Variants in PGLYRP3 observed in about 807,000 individuals in gnomAD.
The protein encoded by PGLYRP3 is peptidoglycan recognition protein 3.
A neutral mutation model predicts 36.0 loss-of-function variants in PGLYRP3; 39 were observed. The observed-to-expected ratio is 1.08, with a 90% CI of 0.84 to 1.41. The LOEUF (loss-of-function observed/expected upper bound fraction) is 1.41, where lower values mean the gene tolerates loss of function less well. Among genes scored for constraint, PGLYRP3 ranks in the 40% most tolerant of loss-of-function variants. The probability of loss-of-function intolerance (pLI) is 0.00; values close to 1 mark genes in which losing one functional copy is unlikely to be tolerated. For missense variants in PGLYRP3, 407 were observed against 427.9 expected, an observed-to-expected ratio of 0.95 and a Z score of 0.43; for synonymous variants, 204 against 172.8, an observed-to-expected ratio of 1.18 and a Z score of -1.42.
intron 2 of PGLYRP3, among the ~76,000 whole-genome samples, chr1:153,308,222 G>T (rs552455709): frequency 2.0e-5 from 3 of 152,048 alleles, no homozygotes; most frequent in African/African-American, 7.2e-5. Flanking sequence ...TCTCGATCTC[G>T]TGACCTCGTG....
At chr1:153,310,747 T>G in intron 1 of PGLYRP3, 41 bp from the exon 2 acceptor site, 2 of 1,281,502 alleles carry the variant, frequency 1.6e-6, no homozygotes, top group Non-Finnish European at 2.3e-6. Flanking sequence ...ATGCTAACTC[T>G]GCAAGTGGAG....
At chr1:153,312,602 TACAC>T (rs3840431) in intron 1 of PGLYRP3, among the ~76,000 whole-genome samples, 37 bp downstream of exon 1, 5 of 150,004 alleles carry the variant, frequency 3.3e-5, no homozygotes, top group Admixed American at 1.3e-4. Flanking sequence ...TCTAAAGAAA[TACAC>T]ACACACACAC....
chr1:153,307,231 G>C lies in PGLYRP3; in HGVS notation c.92C>G (p.Ala31Gly). 1 of 1,609,912 alleles carries C rather than the reference G, an allele frequency of 6.2e-7. No individual in the cohort carries two copies. Among genetic ancestry groups the C allele is most frequent in the Non-Finnish European group, 8.5e-7 (1 of 1,178,356 alleles). Residue 31 changes from alanine to glycine, a missense_variant, in exon 3 of 8, where the codon GCA (alanine) becomes GGA (glycine). Transcript: ENST00000683862. The part of the protein sequence containing the change: ...PTIVSRKEWG[A>G]RPLACRALLT... ...CAGGGCCCTGCAGGCGAGCGGTCTT[G>C]CCCCCCACTCCTTGCGGGAGACGAT...
rs755432874 is a variant in PGLYRP3, at chr1:153,297,577, GAAAGAAGAAAGA to G, written c.*367_*378del. On this transcript the variant is annotated 3_prime_UTR_variant, in exon 8 of 8. Transcript: ENST00000683862. ...AAAGAAAGAAAAAGAAAGAAAGAAA[GAAAGAAGAAAGA>G]AAGAAAGAAAGAAAGAGAAAGGAAG... Among the ~76,000 whole-genome samples the G allele has an allele frequency of 1.6e-3, 207 of 129,536 alleles. 2 individuals are homozygous for G. Among genetic ancestry groups the G allele is most frequent in the Non-Finnish European group, 2.3e-3 (136 of 60,414 alleles). The allele number at this position is 129,536 out of a possible 152,430, so 85.0% of individuals were successfully genotyped here.
At chr1:153,310,858 A>G in intron 1 of PGLYRP3, 152 bp from the exon 2 acceptor site, 1 of 531,232 alleles carries the variant, frequency 1.9e-6, no homozygotes, top group South Asian at 2.5e-5. Context: ...CCTTAAACAC[A>G]TCAGGTTCCC....
chr1:153,299,032 T>C (rs1272307700), intron 7 of PGLYRP3, 81 bp downstream of exon 7: 1 of 1,153,256 alleles, frequency 8.7e-7, no homozygotes, highest in Non-Finnish European at 1.3e-6. Flanking sequence ...ACTACAGGGC[T>C]GCCTTTCCCG....
intron 6 of PGLYRP3, 116 bp downstream of exon 6, chr1:153,302,293 T>C: frequency 8.6e-7 from 1 of 1,167,746 alleles, no homozygotes; most frequent in Non-Finnish European, 1.2e-6. Flanking sequence ...ATATGATGCC[T>C]TATGGAAACC....
rs1297117375 is a variant in PGLYRP3, at chr1:153,297,535, G to GAAA, written c.*420_*421insTTT. Among the ~76,000 whole-genome samples the GAAA allele has an allele frequency of 1.7e-4, 15 of 87,004 alleles. No homozygotes were observed. Among genetic ancestry groups the GAAA allele is most frequent in the African/African-American group, 7.4e-4 (15 of 20,392 alleles). 57.1% of individuals were successfully genotyped at this position (87,004 alleles called of 152,430 possible). A position where few individuals can be genotyped will look rare whatever the true frequency, so the allele number is the denominator to read the frequency against. On this transcript the variant is annotated 3_prime_UTR_variant, in exon 8 of 8. Transcript: ENST00000683862. Reference sequence around the variant, plus strand: ...GGAAGGAAGGAAGGAAGGAAGGAAGGAAGGAAGGAAGGAAGGAAAGAAAGA... The same window carrying GAAA: ...GGAAGGAAGGAAGGAAGGAAGGAAGGAAAAAGGAAGGAAGGAAGGAAAGAAAGA...
In PGLYRP3 at chr1:153,297,742, A is replaced by C. The variant is rs932386808; in HGVS notation, c.*214T>G. On this transcript the variant is annotated 3_prime_UTR_variant, in exon 8 of 8. Coordinates refer to ENST00000683862, the MANE Select transcript of PGLYRP3 (RefSeq NM_052891.3). The stretch of plus-strand genomic sequence containing the variant: ...GGAGAGGTAGGTAAAAGAGAGGGGA[A>C]GTCTAAACTCAGACCAAGAGGGCTG... The C allele has an allele frequency of 4.0e-6, 2 of 499,860 alleles. No individual in the cohort carries two copies. Among genetic ancestry groups the C allele is most frequent in the African/African-American group, 3.9e-5 (2 of 51,374 alleles). 31.0% of individuals were successfully genotyped at this position (499,860 alleles called of 1,614,324 possible).
Position 153,302,436 on chromosome 1 carries a change from G to A in PGLYRP3, c.701C>T (p.Thr234Ile), listed in dbSNP as rs759577187. 2.2e-5 allele frequency: 35 copies of A among 1,614,094 alleles called. No individual in the cohort carries two copies. The highest frequency in any genetic ancestry group is 5.0e-5 in the Admixed American group (3 of 60,010). ...ATATCCAATGTCACAAAAGTTCCGT[G>A]TGTCCATGTGAAAGGACTGTATGTT... The part of the protein sequence containing the change: ...VRNIQSFHMD[T>I]RNFCDIGYHF... Residue 234 changes from threonine to isoleucine, a missense_variant, in exon 6 of 8, where the codon ACA (threonine) becomes ATA (isoleucine). By Grantham distance (89) the Thr-to-Ile change is moderately conservative (BLOSUM62 -1). Transcript: ENST00000683862.
At position 153,310,693 on chromosome 1, in the gene PGLYRP3, T is replaced by A. The variant is rs866857208; in HGVS notation, c.-28A>T. ...GGTCCCAGGACTCTGACCGGGAGAG[T>A]GTGGACGGCAGCCCTGGAAGAGAGG... On this transcript the variant is annotated 5_prime_UTR_variant, in exon 2 of 8. Transcript: ENST00000683862. 4 of 1,608,510 alleles carry A rather than the reference T, an allele frequency of 2.5e-6. No individual in the cohort carries two copies. The Middle Eastern group carries it at 6.6e-4, about 266-fold the overall frequency.
intron 3 of PGLYRP3, 69 bp downstream of exon 3, chr1:153,306,997 G>C: frequency 2.7e-6 from 4 of 1,464,158 alleles, no homozygotes; most frequent in Non-Finnish European, 3.8e-6. Context: ...AAGAGCCACA[G>C]AGAAGGGGAA....
At chr1:153,312,392 G>C (rs1659916085) in intron 1 of PGLYRP3, among the ~76,000 whole-genome samples, 1 of 152,162 alleles carries the variant, frequency 6.6e-6, no homozygotes, top group African/African-American at 2.4e-5. Context: ...GGAAGAAATT[G>C]GGTAGAGGTA....
Position 153,306,074 on chromosome 1 carries a change from G to A in PGLYRP3, c.257+992C>T, listed in dbSNP as rs73014415. ...AGGATGGTGGAGGTGCTGGTGGCAG[G>A]GGCAGCAGGTGAGTCGTGGTTGACA... On this transcript the variant is annotated intron_variant, in intron 3 of 7. Coordinates refer to ENST00000683862, the MANE Select transcript of PGLYRP3 (RefSeq NM_052891.3). 4.1e-3 allele frequency among the ~76,000 whole-genome samples: 623 copies of A among 152,280 alleles called. 3 individuals carry two copies. The highest frequency in any genetic ancestry group is 0.015 in the African/African-American group (606 of 41,542).
intron 2 of PGLYRP3, among the ~76,000 whole-genome samples, chr1:153,307,756 A>G (rs745619668): frequency 5.3e-5 from 8 of 151,592 alleles, no homozygotes; most frequent in Non-Finnish European, 1.2e-4. Context: ...TCAACTAGGG[A>G]CTCCAGAGCC....
chr1:153,297,277 TATCTATAAATAATTACA>T lies in PGLYRP3; in HGVS notation c.*662_*678del, dbSNP rs1659448162. On this transcript the variant is annotated 3_prime_UTR_variant, in exon 8 of 8. Coordinates refer to ENST00000683862, the MANE Select transcript of PGLYRP3 (RefSeq NM_052891.3). The stretch of plus-strand genomic sequence containing the variant: ...AGAGGACAGACATATCTATAAATCA[TATCTATAAATAATTACA>T]GCCCTTAAGTAAGGGCTGCATCCAA... Among the ~76,000 whole-genome samples, 1 of 151,688 alleles carries T rather than the reference TATCTATAAATAATTACA, an allele frequency of 6.6e-6. No homozygotes were observed.
intron 2 of PGLYRP3, 105 bp downstream of exon 2, chr1:153,310,506 C>T: frequency 1.7e-6 from 2 of 1,162,616 alleles, no homozygotes; most frequent in Non-Finnish European, 2.6e-6. Flanking sequence ...GCTACACTAT[C>T]CACTAACAAA....
Position 153,303,942 on chromosome 1 carries a change from A to AC in PGLYRP3, c.443dup (p.His149SerfsTer48). The AC allele has an allele frequency of 6.2e-7, 1 of 1,613,972 alleles. No homozygotes were observed. The highest frequency in any genetic ancestry group is 8.5e-7 in the Non-Finnish European group (1 of 1,179,962). ...GCTGAATATACCTGGGCGACAGGTG[A>AC]CCCTTCTGGATGGCATAGGAGATCA... On this transcript the variant is annotated frameshift_variant, in exon 5 of 8. Coordinates refer to ENST00000683862, the MANE Select transcript of PGLYRP3 (RefSeq NM_052891.3). LOFTEE classifies it high-confidence loss of function.
Position 153,297,349 on chromosome 1 carries a change from G to C in PGLYRP3, c.*607C>G, listed in dbSNP as rs1659449519. ...GTACCAGTCCATGTGTGAGCAGAGA[G>C]GGGGGGTGGGCACACTGACCTAGGT... On this transcript the variant is annotated 3_prime_UTR_variant, in exon 8 of 8. Transcript: ENST00000683862. 6.6e-6 allele frequency among the ~76,000 whole-genome samples: 1 copy of C among 150,936 alleles called. No individual in the cohort carries two copies. The highest frequency in any genetic ancestry group is 2.1e-4 in the South Asian group (1 of 4,764).
Sources: allele counts gnomAD v4.1 joint callset (sites outside exome capture counted in the v4.1 genomes callset), GRCh38; gene constraint gnomAD v4.1.1; transcripts MANE v1.5; gene names NCBI Gene and HGNC (gene_info 2026-07-23, HGNC 2026-07-21).